The following MLKL variants were observed in gnomAD, a reference collection of about 807,000 sequenced individuals.
MLKL encodes mixed lineage kinase domain like pseudokinase, also known as mixed lineage kinase domain-like protein.
Under a neutral mutation model 56.5 loss-of-function variants are expected in MLKL, and 55 were observed. The observed-to-expected ratio is 0.97, with a 90% CI of 0.78 to 1.22. The LOEUF is 1.22. Ranked by LOEUF, MLKL falls within the 50% of genes most tolerant of loss-of-function variation. The pLI is 0.00. For synonymous variants in MLKL, 251 were observed against 208.3 expected (o/e 1.20, Z -1.76); for missense variants, 694 against 573.9 (o/e 1.21, Z -2.14).
chr16:74,696,468 T>C (rs1416328628), intron 1 of MLKL, among the ~76,000 whole-genome samples: 2 of 151,334 alleles, frequency 1.3e-5, no homozygotes, highest in African/African-American at 4.9e-5. Context: ...TACAAAAAAT[T>C]GTTCAGTTTC....
rs763812068 is a variant in MLKL, at chr16:74,695,616, G to A, written c.142C>T (p.Gln48Ter). The change falls in exon 2 of 11, where the codon CAA (glutamine) becomes TAA (stop). Residue 48 changes from glutamine (Q) to a stop codon, truncating the protein, a stop_gained. Transcript: ENST00000308807. LOFTEE classifies it high-confidence loss of function. ...LIKPLEMLQD[Q>*]GKRSVPSEKL... ...TCAGAGGGCACGCTCCTCTTTCCTT[G>A]GTCCTGGAGCATCTCCAGAGGCTTG... The A allele has an allele frequency of 2.0e-5, 32 of 1,614,060 alleles. No homozygotes were observed. The East Asian group carries it at 6.7e-4, about 34-fold the overall frequency.
chr16:74,680,472 TG>T (rs1959880161), intron 6 of MLKL, among the ~76,000 whole-genome samples: 1 of 151,972 alleles, frequency 6.6e-6, no homozygotes, highest in Non-Finnish European at 1.5e-5. Flanking sequence ...AGTCTGCGTT[TG>T]GTATTTTTTT....
intron 2 of MLKL, among the ~76,000 whole-genome samples, chr16:74,694,198 T>C (rs945239269): frequency 1.3e-5 from 2 of 152,222 alleles, no homozygotes; most frequent in Non-Finnish European, 2.9e-5. Flanking sequence ...CAGAAGGGTA[T>C]TCAAGAAACT....
At chr16:74,676,282 C>A (rs1206919554) in intron 7 of MLKL, 2 of 987,942 alleles carry the variant, frequency 2.0e-6, no homozygotes, top group African/African-American at 3.5e-5. Flanking sequence ...GAGTCATCCC[C>A]CCAGGCCTGC....
Position 74,675,138 on chromosome 16 carries a change from C to T in MLKL, c.1241-38G>A, listed in dbSNP as rs111686299. 3.3e-5 allele frequency: 53 copies of T among 1,610,196 alleles called. 1 individual carries two copies. In the Middle Eastern group the frequency reaches 6.6e-4, roughly 20 times the overall value. ...GCATGAGAGCCTCAAAAAATTGCTC[C>T]GCTACTCGTACATCTCTCTGGATGC... On this transcript the variant is annotated intron_variant, in intron 9 of 10. Coordinates refer to ENST00000308807, the MANE Select transcript of MLKL (RefSeq NM_152649.4).
At chr16:74,686,531 C>T (rs938688322) in intron 4 of MLKL, among the ~76,000 whole-genome samples, 20 of 152,124 alleles carry the variant, frequency 1.3e-4, no homozygotes, top group Middle Eastern at 3.4e-3. Context: ...TGCAGTGAGC[C>T]GAGATCACAC....
intron 6 of MLKL, among the ~76,000 whole-genome samples, chr16:74,682,338 A>T (rs1177687928): frequency 6.6e-6 from 1 of 152,174 alleles, no homozygotes; most frequent in Non-Finnish European, 1.5e-5. Context: ...AAAATGATTC[A>T]TTACTTTCCT....
At position 74,672,464 on chromosome 16, in the gene MLKL, G is replaced by A; in HGVS notation, c.*40C>T. The A allele has an allele frequency of 1.9e-6, 3 of 1,595,406 alleles. No homozygotes were observed. The highest frequency in any genetic ancestry group is 1.3e-5 in the African/African-American group (1 of 74,520). Reference sequence around the variant, plus strand: ...AGATGTCCAGTTTGTGCCTCTCCCAGCTTCTTGTCCAGAGACTCCTTGGTT... The same window carrying A: ...AGATGTCCAGTTTGTGCCTCTCCCAACTTCTTGTCCAGAGACTCCTTGGTT... On this transcript the variant is annotated 3_prime_UTR_variant, in exon 11 of 11. Coordinates refer to ENST00000308807, the MANE Select transcript of MLKL (RefSeq NM_152649.4).
At chr16:74,699,032 G>A (rs1961221325) in intron 1 of MLKL, among the ~76,000 whole-genome samples, 1 of 152,028 alleles carries the variant, frequency 6.6e-6, no homozygotes, top group Non-Finnish European at 1.5e-5. Flanking sequence ...AGAATTGCTT[G>A]AACCCGGGAG....
chr16:74,693,804 C>T (rs1294517327), intron 2 of MLKL, among the ~76,000 whole-genome samples: 2 of 151,952 alleles, frequency 1.3e-5, no homozygotes, highest in African/African-American at 2.4e-5. Flanking sequence ...GGGGTTTCAC[C>T]GTGTTAGCCA....
intron 6 of MLKL, 62 bp from the exon 7 acceptor site, chr16:74,679,042 C>T: frequency 7.5e-7 from 1 of 1,336,884 alleles, no homozygotes; most frequent in Non-Finnish European, 1.1e-6. Context: ...GGGGGACTGA[C>T]AATCATAACT....
intron 4 of MLKL, among the ~76,000 whole-genome samples, chr16:74,688,101 G>A (rs531195254): frequency 6.6e-6 from 1 of 152,270 alleles, no homozygotes; most frequent in South Asian, 2.1e-4. Context: ...TAGGATTACA[G>A]TCGTGAGCCA....
intron 1 of MLKL, 130 bp from the exon 2 acceptor site, chr16:74,695,889 T>A (rs1961008571): frequency 1.2e-6 from 1 of 814,986 alleles, no homozygotes; most frequent in East Asian, 2.7e-5. Context: ...TCATGCAAGA[T>A]AGAGATGGTT....
chr16:74,676,310 T>G, intron 7 of MLKL: 1 of 986,106 alleles, frequency 1.0e-6, no homozygotes, highest in South Asian at 4.7e-5. Flanking sequence ...CCTGGTGTTC[T>G]TAAAGAAACT....
chr16:74,678,449 T>A (rs1362086937), intron 7 of MLKL: 1 of 168,308 alleles, frequency 5.9e-6, no homozygotes, highest in Non-Finnish European at 1.3e-5. Flanking sequence ...AAAGTTGAAG[T>A]TAGTTCTGAA....
intron 1 of MLKL, among the ~76,000 whole-genome samples, chr16:74,697,157 A>C (rs540110588): frequency 5.3e-4 from 81 of 152,030 alleles, no homozygotes; most frequent in African/African-American, 1.9e-3. Flanking sequence ...TTGAGGCTGC[A>C]GTGCCAGCTT....
intron 1 of MLKL, among the ~76,000 whole-genome samples, chr16:74,696,693 C>T (rs1961062903): frequency 6.6e-6 from 1 of 151,328 alleles, no homozygotes; most frequent in South Asian, 2.1e-4. Context: ...CGCGGTGACT[C>T]ACGCCAGTAA....
At chr16:74,674,934 G>A (rs960265097) in intron 10 of MLKL, 26 bp downstream of exon 10, 32 of 1,605,182 alleles carry the variant, frequency 2.0e-5, no homozygotes, top group Non-Finnish European at 2.5e-5. Flanking sequence ...TGGGGCTCAC[G>A]CTCTTTACAC....
chr16:74,678,829 A>G lies in MLKL; in HGVS notation c.1038+70T>C, dbSNP rs1438316686. The G allele has an allele frequency of 5.7e-6, 6 of 1,060,578 alleles. No individual in the cohort carries two copies. In the East Asian group the frequency reaches 1.4e-4, roughly 25 times the overall value. The allele number at this position is 1,060,578 out of a possible 1,614,324, so 65.7% of individuals were successfully genotyped here. On this transcript the variant is annotated intron_variant, in intron 7 of 10. Coordinates refer to ENST00000308807, the MANE Select transcript of MLKL (RefSeq NM_152649.4). Reference sequence around the variant, plus strand: ...AAGACAAGAATCAAGCCTTTCTGAGACACTCGTGCCCCTCTCATAGCACCA... The same window carrying G: ...AAGACAAGAATCAAGCCTTTCTGAGGCACTCGTGCCCCTCTCATAGCACCA...
Sources: allele counts gnomAD v4.1 joint callset (sites outside exome capture counted in the v4.1 genomes callset), GRCh38; gene constraint gnomAD v4.1.1; transcripts MANE v1.5; gene names NCBI Gene and HGNC (gene_info 2026-07-23, HGNC 2026-07-21).